Variants in ITGA2 observed in about 807,000 individuals in gnomAD.
The protein encoded by ITGA2 is integrin subunit alpha 2, also known as integrin alpha-2.
A neutral mutation model predicts 146.3 loss-of-function variants in ITGA2; 101 were observed. That is an observed-to-expected ratio of 0.69 (90% CI 0.59 to 0.81). ITGA2 has a LOEUF of 0.81. Among genes scored for constraint, ITGA2 ranks in the 40% least tolerant of loss-of-function variants. The pLI, the probability that ITGA2 is intolerant of heterozygous loss-of-function variation, is 0.00. For missense variants in ITGA2, 1,281 were observed against 1,402.7 expected (o/e 0.91, Z 1.39); for synonymous variants, 477 against 487.1 (o/e 0.98, Z 0.27).
At chr5:53,090,136 T>A (rs1740340273) in intron 29 of ITGA2, 74 bp downstream of exon 29, 1 of 904,814 alleles carries the variant, frequency 1.1e-6, no homozygotes, top group African/African-American at 1.6e-5. Flanking sequence ...AAACATCAAC[T>A]TCAGGTTTTA....
intron 25 of ITGA2, among the ~76,000 whole-genome samples, chr5:53,080,961 T>A (rs1045093081): frequency 2.0e-5 from 3 of 152,160 alleles, no homozygotes; most frequent in African/African-American, 7.2e-5. Flanking sequence ...GATAAGGAGC[T>A]GGTCTTCAAG....
At chr5:53,086,396 TTC>T (rs1441549465) in intron 27 of ITGA2, among the ~76,000 whole-genome samples, 10 of 152,132 alleles carry the variant, frequency 6.6e-5, no homozygotes, top group Non-Finnish European at 1.5e-4. Context: ...AGCTGAAAGG[TTC>T]AGGGCCATGG....
chr5:53,089,935 G>T lies in ITGA2; in HGVS notation c.3349-11G>T, dbSNP rs2112051181. On this transcript the variant is annotated splice_polypyrimidine_tract_variant and intron_variant, in intron 28 of 29. Transcript: ENST00000296585. ...TATTAAAATAACTCAACTGTGAACT[G>T]ACATTTCCAGATTCCCCTGATGATA... 6.6e-7 allele frequency: 1 copy of T among 1,516,938 alleles called. No individual in the cohort carries two copies. The highest frequency in any genetic ancestry group is 1.1e-5 in the South Asian group (1 of 89,016). 94.0% of individuals were successfully genotyped at this position (1,516,938 alleles called of 1,614,324 possible).
intron 23 of ITGA2, among the ~76,000 whole-genome samples, chr5:53,076,399 C>G (rs1745663660): frequency 6.6e-6 from 1 of 151,936 alleles, no homozygotes; most frequent in South Asian, 2.1e-4. Context: ...AGAGCTTGAG[C>G]CAAACAGCAA....
Position 53,094,465 on chromosome 5 carries a change from G to A in ITGA2, c.*3866G>A, listed in dbSNP as rs1740601015. The A allele has an allele frequency of 6.6e-6, 1 of 152,012 alleles. No homozygotes were observed. The highest frequency in any genetic ancestry group is 6.6e-5 in the Admixed American group (1 of 15,258). The allele number at this position is 152,012 out of a possible 1,614,324, so 9.4% of individuals were successfully genotyped here. A position where few individuals can be genotyped will look rare whatever the true frequency, so the allele number is the denominator to read the frequency against. On this transcript the variant is annotated 3_prime_UTR_variant, in exon 30 of 30. Coordinates refer to ENST00000296585, the MANE Select transcript of ITGA2 (RefSeq NM_002203.4). Reference sequence around the variant, plus strand: ...GTATATATTTTAAAGAAATTGTCTTGGATATTTTCCTTTATACATAATAGA... The same window carrying A: ...GTATATATTTTAAAGAAATTGTCTTAGATATTTTCCTTTATACATAATAGA...
chr5:53,059,984 G>A lies in ITGA2; in HGVS notation c.1284G>A (p.Leu428=), dbSNP rs1412132581. Residue 428 remains leucine (L), a synonymous_variant, in exon 11 of 30, where the codon CTG becomes CTA. Coordinates refer to ENST00000296585, the MANE Select transcript of ITGA2 (RefSeq NM_002203.4). ...CTAAACAAGCCTTTGACCAAATTCTGCAGGACAGAAATCACAGTTCATATT... is the reference window on the plus strand; with the variant it reads ...CTAAACAAGCCTTTGACCAAATTCTACAGGACAGAAATCACAGTTCATATT... ...IFPKQAFDQI[L]QDRNHSSYLG... 1 of 1,612,232 alleles carries A rather than the reference G, an allele frequency of 6.2e-7. No individual in the cohort carries two copies.
chr5:53,060,443 T>C (rs973548172), intron 11 of ITGA2, among the ~76,000 whole-genome samples: 4 of 151,968 alleles, frequency 2.6e-5, no homozygotes, highest in African/African-American at 9.7e-5. Context: ...CAACAAGTCT[T>C]TCAGGGATGT....
rs567159893 is a variant in ITGA2, at chr5:53,086,701, T to A, written c.3259-251T>A. On this transcript the variant is annotated intron_variant, in intron 27 of 29. Coordinates refer to ENST00000296585, the MANE Select transcript of ITGA2 (RefSeq NM_002203.4). ...ATATTTTAACCTACTCATGTCTGGA[T>A]CCCACCCCAGAGAGTTGATTTGTGG... Among the ~76,000 whole-genome samples the A allele has an allele frequency of 1.5e-3, 224 of 152,300 alleles. 2 individuals are homozygous for A. In the Middle Eastern group the frequency reaches 0.017, roughly 12 times the overall value.
At chr5:53,039,412 A>T (rs1427471112) in intron 2 of ITGA2, among the ~76,000 whole-genome samples, 1 of 152,176 alleles carries the variant, frequency 6.6e-6, no homozygotes, top group East Asian at 1.9e-4. Context: ...CTTCCCTCTC[A>T]ACTTGGTTGA....
At position 53,051,558 on chromosome 5, in the gene ITGA2, A is replaced by G. The variant is rs1173906241; in HGVS notation, c.778A>G (p.Arg260Gly). ...CACATTCGGAGCAATTCAATATGCA[A>G]GGTAAGTTTTGGTGCTAATAGGCCA... ...TNTFGAIQYA[R>G]KYAYSAASGG... Residue 260 changes from arginine (R) to glycine (G), a missense_variant and splice_region_variant, in exon 7 of 30, where the codon AGA (arginine) becomes GGA (glycine). Coordinates refer to ENST00000296585, the MANE Select transcript of ITGA2 (RefSeq NM_002203.4). 6.2e-7 allele frequency: 1 copy of G among 1,613,370 alleles called. No individual in the cohort carries two copies. The highest frequency in any genetic ancestry group is 2.2e-5 in the East Asian group (1 of 44,788).
intron 9 of ITGA2, among the ~76,000 whole-genome samples, chr5:53,057,436 G>A (rs1180663043): frequency 1.3e-5 from 2 of 151,930 alleles, no homozygotes; most frequent in Admixed American, 6.6e-5. Flanking sequence ...GCATCTTACA[G>A]TGTTAGTGAC....
intron 1 of ITGA2, among the ~76,000 whole-genome samples, chr5:53,013,399 C>T (rs1287047271): frequency 6.8e-6 from 1 of 146,834 alleles, no homozygotes; most frequent in Non-Finnish European, 1.5e-5. Flanking sequence ...TCAACTTTGT[C>T]GAAGATCAGA....
chr5:53,004,693 T>A (rs1741739499), intron 1 of ITGA2, among the ~76,000 whole-genome samples: 1 of 152,150 alleles, frequency 6.6e-6, no homozygotes, highest in Non-Finnish European at 1.5e-5. Flanking sequence ...AATTGCATCT[T>A]TCTTTTTTTA....
rs763535892 is a variant in ITGA2 at position 53,061,035 on chromosome 5, C to A, written c.1447C>A (p.Arg483=). Reference sequence around the variant, plus strand: ...CAATATCACGGTTATTCAGGCTCACCGAGGTGACCAGGTAAATCTCACTGT... The same window carrying A: ...CAATATCACGGTTATTCAGGCTCACAGAGGTGACCAGGTAAATCTCACTGT... ...NGNITVIQAH[R]GDQIGSYFGS... is the part of the protein sequence containing the mutation. The change falls in exon 12 of 30, where the codon CGA becomes AGA. Residue 483 remains arginine, a synonymous_variant. Coordinates refer to ENST00000296585, the MANE Select transcript of ITGA2 (RefSeq NM_002203.4). 3.7e-6 allele frequency: 6 copies of A among 1,612,062 alleles called. No individual in the cohort carries two copies. The highest frequency in any genetic ancestry group is 2.2e-5 in the East Asian group (1 of 44,804).
chr5:53,041,079 T>A (rs988558), intron 2 of ITGA2, among the ~76,000 whole-genome samples: 1 of 151,822 alleles, frequency 6.6e-6, no homozygotes, highest in Admixed American at 6.6e-5. Flanking sequence ...GCTCATGAAA[T>A]AATTTTAGTT....
chr5:53,044,864 T>G, intron 3 of ITGA2, 137 bp from the exon 4 acceptor site: 1 of 690,894 alleles, frequency 1.4e-6, no homozygotes, highest in Non-Finnish European at 2.7e-6. Flanking sequence ...CACACTTCAT[T>G]ATATAACTCA....
intron 2 of ITGA2, among the ~76,000 whole-genome samples, chr5:53,031,658 T>C (rs185524658): frequency 6.4e-4 from 98 of 152,340 alleles, no homozygotes; most frequent in African/African-American, 2.2e-3. Flanking sequence ...CTAGAAACAG[T>C]GGTGACATGG....
intron 23 of ITGA2, among the ~76,000 whole-genome samples, chr5:53,075,878 G>T (rs937866072): frequency 2.6e-5 from 4 of 152,020 alleles, no homozygotes; most frequent in African/African-American, 4.8e-5. Flanking sequence ...TGGAAATGAG[G>T]TTTTTTCCAA....
intron 1 of ITGA2, among the ~76,000 whole-genome samples, chr5:52,997,181 A>G (rs1741308940): frequency 6.6e-6 from 1 of 152,224 alleles, no homozygotes; most frequent in Non-Finnish European, 1.5e-5. Flanking sequence ...CTGTTGGGAC[A>G]GTTAATGATT....
Sources: allele counts gnomAD v4.1 joint callset (sites outside exome capture counted in the v4.1 genomes callset), GRCh38; gene constraint gnomAD v4.1.1; transcripts MANE v1.5; gene names NCBI Gene and HGNC (gene_info 2026-07-23, HGNC 2026-07-21).